The following TRPM2 variants were observed in gnomAD, a reference collection of about 807,000 sequenced individuals.
TRPM2 encodes the protein estrogen-responsive element-associated gene 1 protein.
Under a neutral mutation model 174.0 loss-of-function variants are expected in TRPM2, and 161 were observed. The observed-to-expected ratio is 0.93, with a 90% confidence interval of 0.81 to 1.05. TRPM2 has a LOEUF of 1.05. TRPM2 is among the 50% of genes least tolerant of loss of function. The pLI is 0.00. For synonymous variants in TRPM2, 954 were observed against 861.3 expected (o/e 1.11, Z -1.88); for missense variants, 2,057 against 2,038.0 (o/e 1.01, Z -0.18).
At chr21:44,359,278 G>C (rs2146124321) in intron 2 of TRPM2, among the ~76,000 whole-genome samples, 1 of 152,164 alleles carries the variant, frequency 6.6e-6, no homozygotes, top group African/African-American at 2.4e-5. Context: ...CCTCTTGTAA[G>C]ACAGAAAAGT....
At chr21:44,402,951 T>C (rs1318439379) in intron 16 of TRPM2, among the ~76,000 whole-genome samples, 1 of 152,134 alleles carries the variant, frequency 6.6e-6, no homozygotes, top group Non-Finnish European at 1.5e-5. Context: ...CAGTGTGCAC[T>C]GTGTAAATAC....
intron 27 of TRPM2, among the ~76,000 whole-genome samples, chr21:44,430,212 T>A (rs1376726373): frequency 6.6e-6 from 1 of 152,226 alleles, no homozygotes; most frequent in African/African-American, 2.4e-5. Flanking sequence ...TTGCCTATAA[T>A]TTATATTTCT....
intron 11 of TRPM2, among the ~76,000 whole-genome samples, chr21:44,392,496 G>T (rs1219572501): frequency 6.6e-6 from 1 of 151,580 alleles, no homozygotes; most frequent in African/African-American, 2.4e-5. Context: ...AAACTCCGGG[G>T]CTCAAGTGAT....
Sources: gnomAD v4.1 joint callset for allele counts (sites outside exome capture counted in the v4.1 genomes callset) on GRCh38, gnomAD v4.1.1 for gene constraint, MANE v1.5 for transcripts, NCBI Gene and HGNC (gene_info 2026-07-23, HGNC 2026-07-21) for gene names.